Variants in KCNN2 observed in about 807,000 individuals in gnomAD.
The protein encoded by KCNN2 is potassium calcium-activated channel subfamily N member 2.
A neutral mutation model predicts 55.5 loss-of-function variants in KCNN2; 24 were observed. That is an observed-to-expected ratio of 0.43 (90% CI 0.31 to 0.61). The LOEUF (loss-of-function observed/expected upper bound fraction) is 0.61. KCNN2 is among the 20% of genes least tolerant of loss of function. The probability of loss-of-function intolerance (pLI) is 0.08; values close to 1 mark genes in which losing one functional copy is unlikely to be tolerated. For synonymous variants in KCNN2, 431 were observed against 336.1 expected (o/e 1.28, Z -3.09); for missense variants, 754 against 853.6 (o/e 0.88, Z 1.45).
intron 2 of KCNN2, among the ~76,000 whole-genome samples, chr5:114,378,694 G>C (rs1278219707): frequency 6.6e-6 from 1 of 152,164 alleles, no homozygotes; most frequent in Non-Finnish European, 1.5e-5. Flanking sequence ...AGTATGGGCA[G>C]TATGTTTGAC....
intron 2 of KCNN2, among the ~76,000 whole-genome samples, chr5:114,224,974 C>T (rs1754211956): frequency 6.6e-6 from 1 of 152,074 alleles, no homozygotes; most frequent in Admixed American, 6.6e-5. Flanking sequence ...AACAGTGATG[C>T]AGGAACAGAA....
chr5:114,462,062 T>C (rs919656721), intron 3 of KCNN2, among the ~76,000 whole-genome samples: 4 of 152,254 alleles, frequency 2.6e-5, no homozygotes, highest in South Asian at 2.1e-4. Flanking sequence ...CTGACTGTCA[T>C]AGAAACCAGA....
At chr5:114,126,218 G>A (rs550430766) in intron 1 of KCNN2, among the ~76,000 whole-genome samples, 16 of 152,032 alleles carry the variant, frequency 1.1e-4, no homozygotes, top group African/African-American at 3.6e-4. Context: ...AATTAGCCCT[G>A]GAAAGACCCT....
At chr5:114,259,332 C>T (rs1755051657) in intron 2 of KCNN2, among the ~76,000 whole-genome samples, 1 of 152,202 alleles carries the variant, frequency 6.6e-6, no homozygotes, top group Admixed American at 6.5e-5. Flanking sequence ...GCTTCCATAG[C>T]CTGAGCAGGC....
At chr5:114,205,195 T>C (rs1753744539) in intron 1 of KCNN2, among the ~76,000 whole-genome samples, 1 of 152,200 alleles carries the variant, frequency 6.6e-6, no homozygotes, top group African/African-American at 2.4e-5. Flanking sequence ...AAACTGCTAA[T>C]AGGACATACG....
intron 3 of KCNN2, among the ~76,000 whole-genome samples, chr5:114,415,375 A>G (rs1275886397): frequency 1.3e-5 from 2 of 152,238 alleles, no homozygotes; most frequent in Non-Finnish European, 2.9e-5. Flanking sequence ...TCGGCAATGT[A>G]TGAAGGTTCC....
chr5:114,414,377 G>C (rs182732257), intron 3 of KCNN2, among the ~76,000 whole-genome samples: 9 of 152,148 alleles, frequency 5.9e-5, no homozygotes, highest in African/African-American at 2.2e-4. Flanking sequence ...GCTGGTGTCA[G>C]GTAATAAAGC....
At chr5:114,346,023 TC>T (rs1355712195) in intron 2 of KCNN2, among the ~76,000 whole-genome samples, 3 of 152,032 alleles carry the variant, frequency 2.0e-5, no homozygotes, top group Non-Finnish European at 2.9e-5. Context: ...CCTTAAGTGA[TC>T]CCCTGCCACA....
intron 1 of KCNN2, among the ~76,000 whole-genome samples, chr5:114,220,481 AG>A (rs1754110188): frequency 6.6e-6 from 1 of 152,152 alleles, no homozygotes; most frequent in African/African-American, 2.4e-5. Flanking sequence ...ATACTAAAGC[AG>A]TTTTTCAAAA....
intron 3 of KCNN2, among the ~76,000 whole-genome samples, chr5:114,440,782 T>A (rs912761609): frequency 4.6e-5 from 7 of 151,822 alleles, no homozygotes; most frequent in Non-Finnish European, 8.8e-5. Context: ...ATGTATAACA[T>A]CTAAGCAAAT....
chr5:114,309,729 C>T (rs1379560), intron 2 of KCNN2, among the ~76,000 whole-genome samples: 28,246 of 151,992 alleles, frequency 0.19, 2,910 homozygotes, highest in African/African-American at 0.21. Context: ...CCATAAAACA[C>T]ACAGACAGGT....
At chr5:114,433,635 A>G (rs1759883631) in intron 3 of KCNN2, 1 of 152,490 alleles carries the variant, frequency 6.6e-6, no homozygotes, top group African/African-American at 2.4e-5. Context: ...ACTCACCGCG[A>G]AAGGTCTGCA....
intron 1 of KCNN2, among the ~76,000 whole-genome samples, chr5:114,124,865 C>T (rs1175123690): frequency 2.6e-5 from 4 of 152,098 alleles, no homozygotes; most frequent in African/African-American, 9.7e-5. Flanking sequence ...TTCTTCTTGG[C>T]TTTATTTTTC....
intron 1 of KCNN2, among the ~76,000 whole-genome samples, chr5:114,089,156 C>A (rs1387712766): frequency 6.6e-6 from 1 of 152,026 alleles, no homozygotes; most frequent in East Asian, 1.9e-4. Context: ...ATGCTAGATA[C>A]TATAAATGGT....
chr5:114,277,343 T>C (rs537010167), intron 2 of KCNN2, among the ~76,000 whole-genome samples: 4 of 152,320 alleles, frequency 2.6e-5, no homozygotes, highest in Admixed American at 6.5e-5. Flanking sequence ...AGAATTATCT[T>C]TGTGGTGTTC....
At chr5:114,326,224 C>CT (rs1756711659) in intron 2 of KCNN2, among the ~76,000 whole-genome samples, 1 of 152,048 alleles carries the variant, frequency 6.6e-6, no homozygotes, top group African/African-American at 2.4e-5. Flanking sequence ...TTAATTCTGC[C>CT]TAGGTACATG....
chr5:114,122,062 C>T (rs1751839818), intron 1 of KCNN2, among the ~76,000 whole-genome samples: 1 of 152,148 alleles, frequency 6.6e-6, no homozygotes, highest in Non-Finnish European at 1.5e-5. Flanking sequence ...CATGTGTAGG[C>T]ATTGTCAGTA....
chr5:114,481,353 A>G (rs55942406), intron 5 of KCNN2, among the ~76,000 whole-genome samples: 8,883 of 152,230 alleles, frequency 0.058, 812 homozygotes, highest in African/African-American at 0.2. Context: ...CAGAAAGGAC[A>G]CAAACAAATT....
intron 1 of KCNN2, among the ~76,000 whole-genome samples, chr5:114,065,342 A>G (rs1750423660): frequency 1.3e-5 from 2 of 152,214 alleles, no homozygotes; most frequent in Admixed American, 1.3e-4. Flanking sequence ...ACCATGCCAC[A>G]CAATATGTTG....
Sources: allele counts gnomAD v4.1 joint callset (sites outside exome capture counted in the v4.1 genomes callset), GRCh38; gene constraint gnomAD v4.1.1; transcripts MANE v1.5; gene names NCBI Gene and HGNC (gene_info 2026-07-23, HGNC 2026-07-21).